ITSN1: variants seen among roughly 807,000 people sequenced by gnomAD.
The protein encoded by ITSN1 is intersectin-1.
A neutral mutation model predicts 239.8 loss-of-function variants in ITSN1; 58 were observed. The ratio of observed to expected loss-of-function variants is 0.24; its 90% CI spans 0.20 to 0.30. The LOEUF (loss-of-function observed/expected upper bound fraction) is 0.30, where lower values mean the gene tolerates loss of function less well. Ranked by LOEUF, ITSN1 falls within the 10% of genes least tolerant of loss-of-function variation. The probability of loss-of-function intolerance (pLI) is 1.00; values close to 1 mark genes in which losing one functional copy is unlikely to be tolerated. For missense variants in ITSN1, 1,558 were observed against 2,103.3 expected (o/e 0.74, Z 5.07); for synonymous variants, 780 against 770.8 (o/e 1.01, Z -0.20).
chr21:33,886,823 G>A (rs1462759074), intron 39 of ITSN1, among the ~76,000 whole-genome samples: 1 of 152,226 alleles, frequency 6.6e-6, no homozygotes, highest in Non-Finnish European at 1.5e-5. Context: ...AATGGAACAA[G>A]GATGTTAGCC....
In ITSN1 at chr21:33,897,391, A is replaced by G. The variant is rs1245381071; in HGVS notation, c.*9091A>G. 5 of 152,240 alleles carry G rather than the reference A, an allele frequency of 3.3e-5. No individual in the cohort carries two copies. Among genetic ancestry groups the G allele is most frequent in the African/African-American group, 1.2e-4 (5 of 41,466 alleles). The allele number at this position is 152,240 out of a possible 1,614,324, so 9.4% of individuals were successfully genotyped here. On this transcript the variant is annotated 3_prime_UTR_variant, in exon 40 of 40. Coordinates refer to ENST00000381318, the MANE Select transcript of ITSN1 (RefSeq NM_003024.3). ...ATCAGCTTTGTACCCTCACACGTAT[A>G]GGTGGTGAACTTATGTGTAAATACA...
Position 33,735,176 on chromosome 21 carries a change from A to G in ITSN1, c.318A>G (p.Pro106=), listed in dbSNP as rs141010695. Residue 106 remains proline (P), a synonymous_variant, in exon 5 of 40, where the codon CCA becomes CCG. Coordinates refer to ENST00000381318, the MANE Select transcript of ITSN1 (RefSeq NM_003024.3). The part of the protein sequence containing the change: ...SALPPVMKQQ[P]VAISSAPAFG... ...TTCCCCCTGTCATGAAACAGCAACCAGTTGCTATTTCTAGCGCACCAGCAT... is the reference window on the plus strand; with the variant it reads ...TTCCCCCTGTCATGAAACAGCAACCGGTTGCTATTTCTAGCGCACCAGCAT... 2.6e-4 allele frequency: 423 copies of G among 1,613,416 alleles called. 1 individual carries two copies. Among genetic ancestry groups the G allele is most frequent in the Non-Finnish European group, 3.5e-4 (409 of 1,179,702 alleles).
intron 1 of ITSN1, among the ~76,000 whole-genome samples, chr21:33,711,158 T>C (rs981211577): frequency 6.6e-6 from 1 of 152,240 alleles, no homozygotes; most frequent in African/African-American, 2.4e-5. Context: ...GTAAGCTTTA[T>C]TTTCCAAGAA....
intron 1 of ITSN1, among the ~76,000 whole-genome samples, chr21:33,666,008 A>G (rs1049566257): frequency 6.6e-6 from 1 of 151,498 alleles, no homozygotes; most frequent in Non-Finnish European, 1.5e-5. Flanking sequence ...AGCTCACTGC[A>G]ACCTCTGCCT....
Position 33,753,717 on chromosome 21 carries a change from G to A in ITSN1, c.624-1580G>A, listed in dbSNP as rs143198817. ...GTGGAGGTTGCAGTGAGCTGAGATC[G>A]CGGCATTGCATTCCAGCCTGGGTGA... is the stretch of plus-strand genomic sequence containing the variant. On this transcript the variant is annotated intron_variant, in intron 7 of 39. Coordinates refer to ENST00000381318, the MANE Select transcript of ITSN1 (RefSeq NM_003024.3). 9.7e-3 allele frequency among the ~76,000 whole-genome samples: 1,354 copies of A among 140,244 alleles called. 29 individuals carry two copies. The highest frequency in any genetic ancestry group is 0.036 in the African/African-American group (1,303 of 36,170). 92.0% of individuals were successfully genotyped at this position (140,244 alleles called of 152,430 possible).
intron 29 of ITSN1, chr21:33,837,702 C>G: frequency 2.0e-6 from 2 of 985,862 alleles, no homozygotes; most frequent in Non-Finnish European, 2.4e-6. Context: ...AAGCTATTAC[C>G]TTGTACGATG....
rs778035952 is a variant in ITSN1 at position 33,794,329 on chromosome 21, G to C, written c.1825-12G>C. The C allele has an allele frequency of 2.5e-6, 4 of 1,599,596 alleles. No homozygotes were observed. The highest frequency in any genetic ancestry group is 3.4e-6 in the Non-Finnish European group (4 of 1,171,024). ...CATGTCGCTACATGAACTGTTTCTCGGTTAATTATAGGAACTAAGAGAAAT... is the reference window on the plus strand; with the variant it reads ...CATGTCGCTACATGAACTGTTTCTCCGTTAATTATAGGAACTAAGAGAAAT... On this transcript the variant is annotated splice_polypyrimidine_tract_variant and intron_variant, in intron 16 of 39. Transcript: ENST00000381318.
intron 22 of ITSN1, 115 bp from the exon 23 acceptor site, chr21:33,818,152 T>C: frequency 1.3e-6 from 1 of 773,934 alleles, no homozygotes; most frequent in South Asian, 1.7e-5. Flanking sequence ...GGGCCCTTTG[T>C]GGCTGTGTGT....
At chr21:33,767,914 C>A in intron 11 of ITSN1, 86 bp downstream of exon 11, 1 of 722,904 alleles carries the variant, frequency 1.4e-6, no homozygotes. Context: ...TAGAGGTAAA[C>A]ATAAATTTAG....
chr21:33,750,078 T>G (rs751333715), intron 5 of ITSN1, 65 bp from the exon 6 acceptor site: 6 of 1,433,782 alleles, frequency 4.2e-6, no homozygotes, highest in Non-Finnish European at 4.9e-6. Context: ...AGTACTGGGT[T>G]AATTATTATT....
intron 19 of ITSN1, among the ~76,000 whole-genome samples, chr21:33,800,785 AT>A (rs144141328): frequency 0.065 from 9,203 of 141,968 alleles, 447 homozygotes; most frequent in Non-Finnish European, 0.079. Flanking sequence ...TACTCTTAAC[AT>A]TTTTTTTTTT....
chr21:33,858,886 C>A, intron 31 of ITSN1, 94 bp downstream of exon 31: 1 of 632,972 alleles, frequency 1.6e-6, no homozygotes, highest in South Asian at 2.4e-5. Context: ...TTGCATGCTG[C>A]CCTGTGCTTC....
At chr21:33,770,243 A>G (rs146830693) in intron 11 of ITSN1, among the ~76,000 whole-genome samples, 2,716 of 151,620 alleles carry the variant, frequency 0.018, 32 homozygotes, top group Non-Finnish European at 0.025. Context: ...TTTTATTTTT[A>G]GTAGAGATAG....
chr21:33,805,758 G>T (rs1250993972), intron 20 of ITSN1, among the ~76,000 whole-genome samples: 1 of 151,428 alleles, frequency 6.6e-6, no homozygotes, highest in African/African-American at 2.4e-5. Context: ...TGCAAGCTCC[G>T]CCTCCCGGGT....
rs565522960 is a variant in ITSN1 at position 33,851,400 on chromosome 21, T to C, written c.3662-5336T>C. On this transcript the variant is annotated intron_variant, in intron 29 of 39. Coordinates refer to ENST00000381318, the MANE Select transcript of ITSN1 (RefSeq NM_003024.3). ...CACACGGGCTCTTTTTTCTTTTCTTTTTTTTCTTTTTTTTTTGAGACAGAG... is the reference window on the plus strand; with the variant it reads ...CACACGGGCTCTTTTTTCTTTTCTTCTTTTTCTTTTTTTTTTGAGACAGAG... Among the ~76,000 whole-genome samples, 106 of 152,112 alleles carry C rather than the reference T, an allele frequency of 7.0e-4. No individual in the cohort carries two copies. The Middle Eastern group carries it at 0.017, about 25-fold the overall frequency.
intron 32 of ITSN1, among the ~76,000 whole-genome samples, chr21:33,866,725 C>G (rs556982735): frequency 1.3e-5 from 2 of 152,290 alleles, no homozygotes; most frequent in East Asian, 3.9e-4. Flanking sequence ...GGAGTCTTGA[C>G]CCCCGTTGTC....
intron 27 of ITSN1, among the ~76,000 whole-genome samples, chr21:33,832,200 G>A (rs1392650029): frequency 3.3e-5 from 5 of 152,078 alleles, no homozygotes; most frequent in South Asian, 2.1e-4. Context: ...TCTCACCAGC[G>A]GCCAACCAGC....
chr21:33,822,356 A>C (rs1028832652), intron 24 of ITSN1, among the ~76,000 whole-genome samples: 2 of 152,230 alleles, frequency 1.3e-5, no homozygotes, highest in Non-Finnish European at 2.9e-5. Flanking sequence ...AAGGAACATC[A>C]TCTGAGGTTT....
chr21:33,738,164 G>A (rs963004993), intron 5 of ITSN1, among the ~76,000 whole-genome samples: 2 of 151,752 alleles, frequency 1.3e-5, no homozygotes, highest in African/African-American at 4.8e-5. Flanking sequence ...TCCAGCCTGG[G>A]TGACAGAGCC....
Sources: gnomAD v4.1 joint callset for allele counts (sites outside exome capture counted in the v4.1 genomes callset) on GRCh38, gnomAD v4.1.1 for gene constraint, MANE v1.5 for transcripts, NCBI Gene and HGNC (gene_info 2026-07-23, HGNC 2026-07-21) for gene names.